Variants in RUNX1T1 observed in about 807,000 individuals in gnomAD.
RUNX1T1 encodes the protein RUNX1 partner transcriptional co-repressor 1, also known as protein CBFA2T1.
A neutral mutation model predicts 62.8 loss-of-function variants in RUNX1T1; 4 were observed. That is an observed-to-expected ratio of 0.06 (90% confidence interval 0.03 to 0.15). The LOEUF (loss-of-function observed/expected upper bound fraction) is 0.15, where lower values mean the gene tolerates loss of function less well. Among genes scored for constraint, RUNX1T1 ranks in the 10% least tolerant of loss-of-function variants. The pLI, the probability that RUNX1T1 is intolerant of heterozygous loss-of-function variation, is 1.00. For synonymous variants in RUNX1T1, 291 were observed against 286.0 expected (o/e 1.02, Z -0.18); for missense variants, 508 against 754.3 (o/e 0.67, Z 3.82).
intron 5 of RUNX1T1, among the ~76,000 whole-genome samples, chr8:91,997,277 A>G (rs559823177): frequency 1.8e-4 from 28 of 152,192 alleles, no homozygotes; most frequent in Non-Finnish European, 3.5e-4. Context: ...GAAAAAATCC[A>G]TCATAAAATC....
chr8:92,062,957 T>G, exon 1 of RUNX1T1: 3 of 1,247,158 alleles, frequency 2.4e-6, no homozygotes, highest in Non-Finnish European at 3.1e-6. Context: ...GCCGAATAAT[T>G]TATTCACCAC....
At chr8:91,968,236 T>C (rs866900225) in intron 10 of RUNX1T1, among the ~76,000 whole-genome samples, 7 of 151,950 alleles carry the variant, frequency 4.6e-5, no homozygotes, top group Admixed American at 3.9e-4. Context: ...CTTTAAGAGG[T>C]GGGACCATTC....
chr8:92,050,363 C>G (rs769561740), intron 1 of RUNX1T1, among the ~76,000 whole-genome samples: 1 of 152,176 alleles, frequency 6.6e-6, no homozygotes, highest in Non-Finnish European at 1.5e-5. Flanking sequence ...AGATTTCCAA[C>G]TGGACACTGC....
intron 1 of RUNX1T1, among the ~76,000 whole-genome samples, chr8:92,036,162 G>A (rs1033972335): frequency 1.3e-5 from 2 of 152,088 alleles, no homozygotes; most frequent in African/African-American, 4.8e-5. Flanking sequence ...GAATTATAAT[G>A]GCGAGAATCA....
intron 1 of RUNX1T1, among the ~76,000 whole-genome samples, chr8:92,097,263 T>C (rs1837822987): frequency 6.6e-6 from 1 of 152,166 alleles, no homozygotes; most frequent in Non-Finnish European, 1.5e-5. Flanking sequence ...GGTGCAAGGA[T>C]AGGAAGTAAA....
downstream of RUNX1T1, chr8:91,958,067 CTG>C (rs1809632226): frequency 4.8e-6 from 1 of 207,200 alleles, no homozygotes; most frequent in Admixed American, 5.9e-5. Context: ...CCACTTAAAA[CTG>C]TTTCCAAGGC....
At chr8:92,034,969 T>C (rs1256484568) in intron 1 of RUNX1T1, among the ~76,000 whole-genome samples, 1 of 151,976 alleles carries the variant, frequency 6.6e-6, no homozygotes, top group Non-Finnish European at 1.5e-5. Context: ...TTCTCATTTA[T>C]AAGTAGGAGC....
At chr8:91,989,179 G>A (rs1817162120) in intron 6 of RUNX1T1, among the ~76,000 whole-genome samples, 1 of 152,126 alleles carries the variant, frequency 6.6e-6, no homozygotes, top group African/African-American at 2.4e-5. Context: ...CTGCTAAGAA[G>A]TTACTTTACT....
At chr8:92,016,743 T>C (rs34486674) in intron 2 of RUNX1T1, among the ~76,000 whole-genome samples, 1 of 152,194 alleles carries the variant, frequency 6.6e-6, no homozygotes, top group East Asian at 1.9e-4. Context: ...TATGATATTG[T>C]TGCATATCAA....
chr8:92,102,874 A>G, upstream of RUNX1T1: 1 of 1,520,544 alleles, frequency 6.6e-7, no homozygotes, highest in Non-Finnish European at 8.8e-7. The surrounding 1 kb of genome is among the most constrained non-coding windows in gnomAD (Gnocchi z 4.5). Flanking sequence ...AGGGCCGGAG[A>G]GTCCCACCAT....
At chr8:92,101,398 T>C (rs1838028338), upstream of RUNX1T1, among the ~76,000 whole-genome samples, 1 of 152,184 alleles carries the variant, frequency 6.6e-6, no homozygotes, top group African/African-American at 2.4e-5. Flanking sequence ...CCAGCTCTCC[T>C]GGTCTTCACT....
chr8:92,081,797 A>ATC (rs1225516971), intron 1 of RUNX1T1, among the ~76,000 whole-genome samples: 4 of 151,682 alleles, frequency 2.6e-5, no homozygotes, highest in African/African-American at 9.7e-5. Flanking sequence ...CTATCAACTG[A>ATC]TCTCTCTCTC....
intron 1 of RUNX1T1, among the ~76,000 whole-genome samples, chr8:92,047,122 C>T (rs1454689203): frequency 1.3e-5 from 2 of 152,090 alleles, no homozygotes; most frequent in Non-Finnish European, 2.9e-5. Flanking sequence ...GAGCTATCTG[C>T]CCCTCACGCT....
chr8:92,032,897 T>C (rs1180678665), intron 1 of RUNX1T1, among the ~76,000 whole-genome samples: 1 of 152,136 alleles, frequency 6.6e-6, no homozygotes, highest in Non-Finnish European at 1.5e-5. Context: ...CCCATAACCC[T>C]ATAAGGGAAA....
chr8:91,959,325 G>A (rs2130381951), exon 11 of RUNX1T1: 1 of 225,636 alleles, frequency 4.4e-6, no homozygotes, highest in South Asian at 1.8e-4. Context: ...CCTTGCAAAA[G>A]TGAAGAAACG....
At chr8:92,020,842 T>TTTG (rs397944968) in intron 1 of RUNX1T1, among the ~76,000 whole-genome samples, 1 of 151,176 alleles carries the variant, frequency 6.6e-6, no homozygotes, top group Non-Finnish European at 1.5e-5. Flanking sequence ...TTTTTTTTTT[T>TTTG]CAATAAAAAG....
intron 1 of RUNX1T1, among the ~76,000 whole-genome samples, chr8:92,046,416 C>T (rs972679405): frequency 1.2e-4 from 18 of 152,214 alleles, no homozygotes; most frequent in African/African-American, 1.9e-4. Context: ...CTACATAGAG[C>T]GCAGTGGCAC....
intron 2 of RUNX1T1, among the ~76,000 whole-genome samples, chr8:92,075,189 C>T (rs1834238374): frequency 6.6e-6 from 1 of 152,232 alleles, no homozygotes; most frequent in African/African-American, 2.4e-5. Flanking sequence ...GAGTGCCAAC[C>T]AGTATCACAC....
chr8:91,999,030 C>T (rs1819257732), intron 5 of RUNX1T1, among the ~76,000 whole-genome samples: 1 of 152,064 alleles, frequency 6.6e-6, no homozygotes, highest in African/African-American at 2.4e-5. Context: ...TTTTAGGTCC[C>T]CAGTATGTGT....
Sources: gnomAD v4.1 joint callset for allele counts (sites outside exome capture counted in the v4.1 genomes callset) on GRCh38, gnomAD v4.1.1 for gene constraint, Gnocchi (gnomAD v3.1) non-coding constraint, MANE v1.5 for transcripts, NCBI Gene and HGNC (gene_info 2026-07-23, HGNC 2026-07-21) for gene names.